Variants in BICC1 observed in about 807,000 individuals in gnomAD.
BICC1 encodes protein bicaudal C homolog 1.
A neutral mutation model predicts 111.0 loss-of-function variants in BICC1; 43 were observed. That is an observed-to-expected ratio of 0.39 (90% CI 0.30 to 0.50). BICC1 has a LOEUF of 0.50. Ranked by LOEUF, BICC1 falls within the 20% of genes least tolerant of loss-of-function variation. The pLI, the probability that BICC1 is intolerant of heterozygous loss-of-function variation, is 0.88. For missense variants in BICC1, 1,091 were observed against 1,203.2 expected (o/e 0.91, Z 1.38); for synonymous variants, 467 against 434.4 (o/e 1.07, Z -0.93).
chr10:58,787,009 G>T lies in BICC1; in HGVS notation c.474G>T (p.Val158=). ...AAGGTGGCAACAATATTAAAAAAGTGATGGAAGAAACCGGATGCCATATCC... is the reference window on the plus strand; with the variant it reads ...AAGGTGGCAACAATATTAAAAAAGTTATGGAAGAAACCGGATGCCATATCC... ...IGKGGNNIKK[V]MEETGCHIHF... The change falls in exon 5 of 21, where the codon GTG becomes GTT. Residue 158 remains valine (V), a synonymous_variant. Transcript: ENST00000373886. 1 of 1,609,408 alleles carries T rather than the reference G, an allele frequency of 6.2e-7. No homozygotes were observed. Among genetic ancestry groups the T allele is most frequent in the Non-Finnish European group, 8.5e-7 (1 of 1,178,250 alleles).
chr10:58,728,117 G>A (rs953479712), intron 3 of BICC1, among the ~76,000 whole-genome samples: 2 of 152,106 alleles, frequency 1.3e-5, no homozygotes, highest in African/African-American at 2.4e-5. Context: ...AATTTCTTAC[G>A]AAAGTCAACA....
At chr10:58,740,261 A>G (rs1171013010) in intron 3 of BICC1, among the ~76,000 whole-genome samples, 3 of 152,174 alleles carry the variant, frequency 2.0e-5, no homozygotes, top group Non-Finnish European at 4.4e-5. Flanking sequence ...AATTTTTGAA[A>G]TGAAGGTTTA....
intron 3 of BICC1, among the ~76,000 whole-genome samples, chr10:58,734,256 A>G (rs954299858): frequency 1.3e-5 from 2 of 152,228 alleles, no homozygotes; most frequent in African/African-American, 2.4e-5. Context: ...CCAGTATCCA[A>G]TTAAACTCTT....
chr10:58,726,251 TTAA>T (rs1030184271), intron 3 of BICC1, among the ~76,000 whole-genome samples: 4 of 152,112 alleles, frequency 2.6e-5, no homozygotes, highest in Admixed American at 6.5e-5. Flanking sequence ...TTAACCAGTT[TTAA>T]TAATAATAAT....
intron 1 of BICC1, among the ~76,000 whole-genome samples, chr10:58,619,017 C>A (rs994256085): frequency 2.3e-4 from 21 of 92,268 alleles, no homozygotes; most frequent in Non-Finnish European, 4.3e-4. Context: ...TCCATCTCTC[C>A]TTGTGCTTCC....
intron 1 of BICC1, among the ~76,000 whole-genome samples, chr10:58,550,366 A>G (rs1346974347): frequency 6.6e-6 from 1 of 151,896 alleles, no homozygotes; most frequent in Non-Finnish European, 1.5e-5. Flanking sequence ...TTTTCTAAAT[A>G]TTTTCTCCGA....
chr10:58,716,745 A>T (rs1465719777), intron 3 of BICC1, among the ~76,000 whole-genome samples: 1 of 151,486 alleles, frequency 6.6e-6, no homozygotes, highest in African/African-American at 2.4e-5. Context: ...TTCCCCTCGT[A>T]TACTTTTATT....
chr10:58,575,146 G>A (rs1844072443), intron 1 of BICC1, among the ~76,000 whole-genome samples: 1 of 151,788 alleles, frequency 6.6e-6, no homozygotes, highest in Non-Finnish European at 1.5e-5. Context: ...AGCCCCACGT[G>A]CATTAGGTAT....
Position 58,521,008 on chromosome 10 carries a change from A to G in BICC1, c.190+7675A>G, listed in dbSNP as rs559896512. 1.7e-4 allele frequency among the ~76,000 whole-genome samples: 26 copies of G among 152,258 alleles called. No homozygotes were observed. In the South Asian group the frequency reaches 3.3e-3, roughly 19 times the overall value. On this transcript the variant is annotated intron_variant, in intron 1 of 20. Transcript: ENST00000373886. ...GTGACTTAAATTCTACACTGGGATC[A>G]TACCTCCTATCTTTTTCACTTAGCG...
At chr10:58,807,400 GT>G (rs1261276838) in intron 17 of BICC1, among the ~76,000 whole-genome samples, 2 of 152,158 alleles carry the variant, frequency 1.3e-5, no homozygotes, top group Non-Finnish European at 2.9e-5. Flanking sequence ...TTGGATGTGA[GT>G]TTTTGTTGAG....
chr10:58,663,470 CAG>C (rs969426554), intron 2 of BICC1, among the ~76,000 whole-genome samples: 2 of 152,136 alleles, frequency 1.3e-5, no homozygotes, highest in African/African-American at 4.8e-5. Flanking sequence ...TCATTTAAAT[CAG>C]GGGTCCCCAG....
At chr10:58,759,271 A>C (rs1180747446) in intron 3 of BICC1, among the ~76,000 whole-genome samples, 1 of 152,100 alleles carries the variant, frequency 6.6e-6, no homozygotes, top group African/African-American at 2.4e-5. Context: ...GATCATTAAA[A>C]TATTTAAGAG....
chr10:58,641,322 C>CA (rs1427112756), intron 2 of BICC1, among the ~76,000 whole-genome samples: 1 of 152,158 alleles, frequency 6.6e-6, no homozygotes, highest in African/African-American at 2.4e-5. Flanking sequence ...TAAATCAGGG[C>CA]AACACTTGCA....
chr10:58,684,649 T>C (rs1252356355), intron 2 of BICC1, among the ~76,000 whole-genome samples: 1 of 152,234 alleles, frequency 6.6e-6, no homozygotes, highest in African/African-American at 2.4e-5. Flanking sequence ...CTAGATTTTC[T>C]AATTTATTTG....
intron 3 of BICC1, among the ~76,000 whole-genome samples, chr10:58,729,666 G>A (rs1841226046): frequency 6.6e-6 from 1 of 152,190 alleles, no homozygotes; most frequent in Admixed American, 6.5e-5. Context: ...GCCTCAGGGA[G>A]CTTTTACTCA....
At chr10:58,692,638 G>A (rs922237153) in intron 2 of BICC1, among the ~76,000 whole-genome samples, 21 of 152,098 alleles carry the variant, frequency 1.4e-4, no homozygotes, top group African/African-American at 3.1e-4. Flanking sequence ...TGTTAAGTTC[G>A]AATAGTGCTT....
At chr10:58,715,568 C>T in intron 3 of BICC1, 1 of 1,564,592 alleles carries the variant, frequency 6.4e-7, no homozygotes. Flanking sequence ...GGAAGCGGGA[C>T]AATCGGGTGG....
At position 58,691,980 on chromosome 10, in the gene BICC1, T is replaced by C. The variant is rs188779729; in HGVS notation, c.238-10094T>C. On this transcript the variant is annotated intron_variant, in intron 2 of 20. Transcript: ENST00000373886. ...CATAATTGTTGCCTCTTCTGTTCTC[T>C]TCATGTTATCTCCTTTATCACTATA... Among the ~76,000 whole-genome samples, 12 of 152,374 alleles carry C rather than the reference T, an allele frequency of 7.9e-5. No homozygotes were observed. The East Asian group carries it at 2.3e-3, about 29-fold the overall frequency.
chr10:58,724,349 A>G (rs956774533), intron 3 of BICC1, among the ~76,000 whole-genome samples: 20 of 152,154 alleles, frequency 1.3e-4, no homozygotes, highest in Admixed American at 2.6e-4. Context: ...GAGAAATTCA[A>G]TTGGATGATT....
Sources: gnomAD v4.1 joint callset for allele counts (sites outside exome capture counted in the v4.1 genomes callset) on GRCh38, gnomAD v4.1.1 for gene constraint, MANE v1.5 for transcripts, NCBI Gene and HGNC (gene_info 2026-07-23, HGNC 2026-07-21) for gene names.